Variants in DTD1 observed in about 807,000 individuals in gnomAD.
The protein encoded by DTD1 is D-tyrosyl-tRNA deacylase 1 homolog.
DTD1 carries 13 observed loss-of-function variants against 25.6 expected under a neutral mutation model. The observed-to-expected ratio is 0.51, with a 90% CI of 0.33 to 0.81. DTD1 has a LOEUF of 0.81. Among genes scored for constraint, DTD1 ranks in the 30% least tolerant of loss-of-function variants. DTD1 has a pLI of 0.02. For synonymous variants in DTD1, 110 were observed against 103.6 expected (o/e 1.06, Z -0.37); for missense variants, 193 against 266.4 (o/e 0.72, Z 1.92).
intron 5 of DTD1, among the ~76,000 whole-genome samples, chr20:18,756,397 GTT>G (rs778600717): frequency 5.3e-5 from 8 of 152,168 alleles, no homozygotes; most frequent in Non-Finnish European, 1.0e-4. Context: ...GGTTTTTATG[GTT>G]TTATGGCTAA....
chr20:18,677,964 C>T (rs2060982825), intron 4 of DTD1, among the ~76,000 whole-genome samples: 1 of 152,212 alleles, frequency 6.6e-6, no homozygotes, highest in Non-Finnish European at 1.5e-5. Flanking sequence ...GAGCTCACTT[C>T]TACAACACTG....
At chr20:18,708,296 TAATATATATATTTTA>T (rs2061141841) in intron 4 of DTD1, among the ~76,000 whole-genome samples, 1 of 53,546 alleles carries the variant, frequency 1.9e-5, no homozygotes, top group Non-Finnish European at 3.4e-5. Context: ...TATATATATA[TAATATATATATTTTA>T]TATATATATT....
chr20:18,612,280 C>T (rs1053307472), intron 3 of DTD1, among the ~76,000 whole-genome samples: 37 of 152,004 alleles, frequency 2.4e-4, no homozygotes, highest in African/African-American at 6.3e-4. Context: ...GTGATCCGCC[C>T]GCCTCGGCCT....
intron 3 of DTD1, among the ~76,000 whole-genome samples, chr20:18,612,394 G>A (rs994346211): frequency 3.9e-5 from 6 of 152,070 alleles, no homozygotes; most frequent in African/African-American, 1.4e-4. Flanking sequence ...TTGAGGGCTT[G>A]TTATATTCCA....
intron 4 of DTD1, among the ~76,000 whole-genome samples, chr20:18,707,107 T>G (rs1476056342): frequency 6.6e-6 from 1 of 152,214 alleles, no homozygotes; most frequent in Non-Finnish European, 1.5e-5. Flanking sequence ...ACCTGGATGT[T>G]CATCACCTGT....
intron 4 of DTD1, among the ~76,000 whole-genome samples, chr20:18,662,751 T>C (rs2060916160): frequency 6.8e-6 from 1 of 147,362 alleles, no homozygotes; most frequent in African/African-American, 2.5e-5. Flanking sequence ...TCCCCCCTCC[T>C]TTTTTTTTTG....
chr20:18,711,928 G>A (rs2061160460), intron 4 of DTD1, among the ~76,000 whole-genome samples: 1 of 142,794 alleles, frequency 7.0e-6, no homozygotes, highest in South Asian at 2.3e-4. Flanking sequence ...GTTGCCGGGG[G>A]TCGGGGGGCA....
At chr20:18,608,933 T>C (rs1023938366) in intron 3 of DTD1, among the ~76,000 whole-genome samples, 1 of 152,220 alleles carries the variant, frequency 6.6e-6, no homozygotes, top group Non-Finnish European at 1.5e-5. Flanking sequence ...AATATCATCA[T>C]ATTTTACCCT....
At chr20:18,671,751 G>A (rs956437056) in intron 4 of DTD1, among the ~76,000 whole-genome samples, 11 of 152,324 alleles carry the variant, frequency 7.2e-5, no homozygotes, top group Non-Finnish European at 1.2e-4. Context: ...TGGGAGCAGA[G>A]CAGCCCCCTT....
At chr20:18,708,262 A>AT (rs1244321776) in intron 4 of DTD1, among the ~76,000 whole-genome samples, 1 of 35,654 alleles carries the variant, frequency 2.8e-5, no homozygotes, top group South Asian at 7.7e-4. Context: ...TTATATATAT[A>AT]TTTTATATAT....
In DTD1 at chr20:18,756,453, A is replaced by G. The variant is rs949726972; in HGVS notation, c.*20-6907A>G. Among the ~76,000 whole-genome samples the G allele has an allele frequency of 6.6e-5, 10 of 152,304 alleles. No individual in the cohort carries two copies. The East Asian group carries it at 1.3e-3, about 21-fold the overall frequency. On this transcript the variant is annotated intron_variant, in intron 5 of 5. Transcript: ENST00000377452. ...ATCTTGAATTAATTTTGTATAAGGTATAAGGAAGGGATCCAGTTTCAGCTT... is the reference window on the plus strand; with the variant it reads ...ATCTTGAATTAATTTTGTATAAGGTGTAAGGAAGGGATCCAGTTTCAGCTT...
Position 18,635,290 on chromosome 20 carries a change from G to A in DTD1, c.477+7057G>A, listed in dbSNP as rs185691899. ...TGAAGTATCACCAAAACAGAAGTGG[G>A]AACTCAGCAAAGCGTCCTCATTACA... On this transcript the variant is annotated intron_variant, in intron 4 of 5. Transcript: ENST00000377452. 6.0e-4 allele frequency among the ~76,000 whole-genome samples: 91 copies of A among 152,350 alleles called. 1 individual carries two copies. Among genetic ancestry groups the A allele is most frequent in the Middle Eastern group, 3.4e-3 (1 of 294 alleles).
At chr20:18,726,461 G>A (rs970950448) in intron 4 of DTD1, among the ~76,000 whole-genome samples, 3 of 152,140 alleles carry the variant, frequency 2.0e-5, no homozygotes, top group Non-Finnish European at 4.4e-5. Flanking sequence ...TGTCAATCAA[G>A]GGTTTTTTTC....
At chr20:18,717,407 A>G (rs2061185402) in intron 4 of DTD1, among the ~76,000 whole-genome samples, 1 of 152,224 alleles carries the variant, frequency 6.6e-6, no homozygotes, top group Non-Finnish European at 1.5e-5. Flanking sequence ...CAGTCTGTGT[A>G]TAAGTTTTTG....
At chr20:18,645,661 T>G (rs1254620499) in intron 4 of DTD1, among the ~76,000 whole-genome samples, 1 of 152,254 alleles carries the variant, frequency 6.6e-6, no homozygotes, top group African/African-American at 2.4e-5. Flanking sequence ...TATTCCTGGC[T>G]GAAATGGTGT....
chr20:18,722,324 C>A (rs975525180), intron 4 of DTD1, among the ~76,000 whole-genome samples: 1 of 152,218 alleles, frequency 6.6e-6, no homozygotes, highest in African/African-American at 2.4e-5. Flanking sequence ...ATGCCCAGGC[C>A]ACTTGGCTAG....
intron 5 of DTD1, among the ~76,000 whole-genome samples, chr20:18,753,622 A>AAAAAAAAAT (rs2061328923): frequency 6.7e-6 from 1 of 149,172 alleles, no homozygotes; most frequent in African/African-American, 2.5e-5. Flanking sequence ...AAAAAAAAAA[A>AAAAAAAAAT]GACGTTGATA....
rs912210158 is a variant in DTD1, at chr20:18,747,465, C to T, written c.*19+3194C>T. On this transcript the variant is annotated intron_variant, in intron 5 of 5. Coordinates refer to ENST00000377452, the MANE Select transcript of DTD1 (RefSeq NM_080820.6). The stretch of plus-strand genomic sequence containing the variant: ...TTCTCTGGATCACAGGGAAGCATGA[C>T]AGAGAGAGCATCCCAGCGCTGCTCC... Among the ~76,000 whole-genome samples the T allele has an allele frequency of 2.0e-5, 3 of 152,156 alleles. No individual in the cohort carries two copies. In the East Asian group the frequency reaches 5.8e-4, roughly 29 times the overall value.
intron 4 of DTD1, among the ~76,000 whole-genome samples, chr20:18,663,924 TG>T (rs1455013551): frequency 6.6e-6 from 1 of 152,186 alleles, no homozygotes; most frequent in Non-Finnish European, 1.5e-5. Flanking sequence ...TACCTCCCAC[TG>T]GGTCCCTCCC....
Sources: gnomAD v4.1 joint callset for allele counts (sites outside exome capture counted in the v4.1 genomes callset) on GRCh38, gnomAD v4.1.1 for gene constraint, MANE v1.5 for transcripts, NCBI Gene and HGNC (gene_info 2026-07-23, HGNC 2026-07-21) for gene names.